RPAP2: variants seen among roughly 807,000 people sequenced by gnomAD.
The protein encoded by RPAP2 is RNA polymerase II associated protein 2, also known as putative RNA polymerase II subunit B1 CTD phosphatase RPAP2.
Under a neutral mutation model 73.1 loss-of-function variants are expected in RPAP2, and 52 were observed. That is an observed-to-expected ratio of 0.71 (90% CI 0.57 to 0.90). The LOEUF is 0.90. Ranked by LOEUF, RPAP2 falls within the 40% of genes least tolerant of loss-of-function variation. RPAP2 has a pLI of 0.00. For missense variants in RPAP2, 598 were observed against 701.8 expected, an observed-to-expected ratio of 0.85 and a Z score of 1.67; for synonymous variants, 225 against 242.1, an observed-to-expected ratio of 0.93 and a Z score of 0.65.
rs189041506 is a variant in RPAP2 at position 92,375,227 on chromosome 1, T to C, written c.1689-5497T>C. On this transcript the variant is annotated intron_variant, in intron 11 of 12. Coordinates refer to ENST00000610020, the MANE Select transcript of RPAP2 (RefSeq NM_024813.3). ...ATGTTTTACATGACTCCAAAAGTAG[T>C]CCACTAGATTAATATTTAGAAATAC... is the stretch of plus-strand genomic sequence containing the variant. 2.0e-5 allele frequency among the ~76,000 whole-genome samples: 3 copies of C among 152,232 alleles called. No homozygotes were observed. The East Asian group carries it at 5.8e-4, about 29-fold the overall frequency.
chr1:92,303,553 T>C (rs923275876), intron 3 of RPAP2, among the ~76,000 whole-genome samples: 1 of 152,230 alleles, frequency 6.6e-6, no homozygotes, highest in Non-Finnish European at 1.5e-5. Flanking sequence ...ACTTTGTTTT[T>C]AAAGATTATG....
chr1:92,359,419 A>G (rs1654632755), intron 11 of RPAP2, among the ~76,000 whole-genome samples: 2 of 152,220 alleles, frequency 1.3e-5, no homozygotes, highest in Admixed American at 1.3e-4. Context: ...TCCCAGGTTC[A>G]AGCAATTCTC....
rs1656121850 is a variant in RPAP2, at chr1:92,394,050, A to C, written c.*7039A>C. 6.6e-6 allele frequency: 1 copy of C among 152,248 alleles called. No individual in the cohort carries two copies. Among genetic ancestry groups the C allele is most frequent in the Non-Finnish European group, 1.5e-5 (1 of 68,052 alleles). 9.4% of individuals were successfully genotyped at this position (152,248 alleles called of 1,614,324 possible). A position where few individuals can be genotyped will look rare whatever the true frequency, so the allele number is the denominator to read the frequency against. On this transcript the variant is annotated 3_prime_UTR_variant, in exon 13 of 13. Coordinates refer to ENST00000610020, the MANE Select transcript of RPAP2 (RefSeq NM_024813.3). ...ACGTATGTTTATTGCTGCACTATTC[A>C]CAATAGCAAAGATTTGAAACCAACC...
Position 92,380,821 on chromosome 1 carries a change from G to T in RPAP2, c.1786G>T (p.Glu596Ter), listed in dbSNP as rs773715191. Reference protein sequence around the residue: ...TLLEELHLKNEDLESLTIIFR... With the variant: ...TLLEELHLKN ...CCTTGAAGAATTACATCTAAAAAATGAAGACCTTGAAAGTCTAACCATCAT... is the reference window on the plus strand; with the variant it reads ...CCTTGAAGAATTACATCTAAAAAATTAAGACCTTGAAAGTCTAACCATCAT... Residue 596 changes from glutamate (E) to a stop codon, truncating the protein, a stop_gained, in exon 12 of 13, where the codon GAA becomes TAA. Transcript: ENST00000610020. LOFTEE classifies it high-confidence loss of function. The T allele has an allele frequency of 2.7e-5, 44 of 1,607,192 alleles. No homozygotes were observed. The highest frequency in any genetic ancestry group is 3.6e-5 in the Non-Finnish European group (42 of 1,177,388).
intron 8 of RPAP2, among the ~76,000 whole-genome samples, chr1:92,326,706 C>T (rs1026236996): frequency 1.3e-5 from 2 of 152,208 alleles, no homozygotes; most frequent in African/African-American, 2.4e-5. Flanking sequence ...GCTGCCTCTG[C>T]TGTGTCATGC....
chr1:92,301,453 T>C, intron 2 of RPAP2, 23 bp from the exon 3 acceptor site: 1 of 1,281,214 alleles, frequency 7.8e-7, no homozygotes, highest in Non-Finnish European at 1.1e-6. Context: ...TTAAGTAGAT[T>C]AAGTTTCTCT....
chr1:92,334,743 T>C (rs964192896), intron 9 of RPAP2, among the ~76,000 whole-genome samples: 12 of 152,116 alleles, frequency 7.9e-5, no homozygotes, highest in Non-Finnish European at 1.2e-4. Flanking sequence ...TCCCAGCACT[T>C]TGGGAGTCTG....
intron 4 of RPAP2, 39 bp downstream of exon 4, chr1:92,304,114 A>AT: frequency 7.0e-7 from 1 of 1,437,090 alleles, no homozygotes; most frequent in Non-Finnish European, 9.7e-7. Flanking sequence ...GGCTTTTATT[A>AT]TTTTCATTTA....
In RPAP2 at chr1:92,398,119, CAGCCTAGGCAATAG is replaced by C. The variant is rs1384853993; in HGVS notation, c.*11111_*11124del. 6.6e-6 allele frequency: 1 copy of C among 152,230 alleles called. No individual in the cohort carries two copies. The highest frequency in any genetic ancestry group is 1.5e-5 in the Non-Finnish European group (1 of 68,076). 9.4% of individuals were successfully genotyped at this position (152,230 alleles called of 1,614,324 possible). A position where few individuals can be genotyped will look rare whatever the true frequency, so the allele number is the denominator to read the frequency against. ...GAGCCATGATTGTGGCACTGCACTCCAGCCTAGGCAATAGAGTGAGACTGTCTCAAAAAATAAAA... is the reference window on the plus strand; with the variant it reads ...GAGCCATGATTGTGGCACTGCACTCCAGTGAGACTGTCTCAAAAAATAAAA... On this transcript the variant is annotated 3_prime_UTR_variant, in exon 13 of 13. Coordinates refer to ENST00000610020, the MANE Select transcript of RPAP2 (RefSeq NM_024813.3).
rs183684580 is a variant in RPAP2 at position 92,334,857 on chromosome 1, G to A, written c.1538+1384G>A. On this transcript the variant is annotated intron_variant, in intron 9 of 12. Coordinates refer to ENST00000610020, the MANE Select transcript of RPAP2 (RefSeq NM_024813.3). ...AAAAAAATTAGCCGGGCGTGGTGGC[G>A]GATGCCTGTAGTCCCAGTTACTCAG... is the stretch of plus-strand genomic sequence containing the variant. Among the ~76,000 whole-genome samples, 14 of 152,090 alleles carry A rather than the reference G, an allele frequency of 9.2e-5. 1 individual carries two copies. The East Asian group carries it at 2.1e-3, about 23-fold the overall frequency.
intron 11 of RPAP2, chr1:92,363,597 A>G (rs1344699068): frequency 6.1e-6 from 1 of 163,588 alleles, no homozygotes; most frequent in African/African-American, 2.4e-5. Context: ...CTTGAACAAC[A>G]TGGGTTTATG....
chr1:92,313,749 T>C (rs1482457949), intron 6 of RPAP2, among the ~76,000 whole-genome samples: 1 of 152,232 alleles, frequency 6.6e-6, no homozygotes, highest in African/African-American at 2.4e-5. Flanking sequence ...CTTCCTCCAA[T>C]ATAAGGCTGA....
At chr1:92,370,485 C>T (rs1655102934) in intron 11 of RPAP2, among the ~76,000 whole-genome samples, 1 of 152,038 alleles carries the variant, frequency 6.6e-6, no homozygotes, top group Non-Finnish European at 1.5e-5. Context: ...CACAAAAGTT[C>T]CATGAAGAAG....
intron 11 of RPAP2, among the ~76,000 whole-genome samples, chr1:92,373,864 A>G (rs539964744): frequency 1.3e-5 from 2 of 150,352 alleles, no homozygotes; most frequent in Admixed American, 6.6e-5. Flanking sequence ...GGTTGCAGTG[A>G]GCAGAGATAG....
At chr1:92,342,915 T>G (rs1653679026) in intron 10 of RPAP2, among the ~76,000 whole-genome samples, 1 of 152,172 alleles carries the variant, frequency 6.6e-6, no homozygotes, top group Non-Finnish European at 1.5e-5. Context: ...AATTTTGAGA[T>G]GCCTATTAGA....
chr1:92,309,580 T>TACATACACATAC (rs56342531), intron 6 of RPAP2, among the ~76,000 whole-genome samples: 6 of 147,842 alleles, frequency 4.1e-5, no homozygotes, highest in Non-Finnish European at 9.0e-5. Context: ...CATATACATA[T>TACATACACATAC]ACATACACAT....
chr1:92,305,638 A>G (rs889557367), intron 5 of RPAP2, among the ~76,000 whole-genome samples: 14 of 151,984 alleles, frequency 9.2e-5, no homozygotes, highest in African/African-American at 3.1e-4. Flanking sequence ...CCATAGAATC[A>G]TATCTAGAAT....
intron 1 of RPAP2, among the ~76,000 whole-genome samples, chr1:92,299,497 T>C (rs1047082900): frequency 1.3e-5 from 2 of 152,094 alleles, no homozygotes; most frequent in Non-Finnish European, 2.9e-5. Context: ...GGACCGGTCC[T>C]CCTTTCCAGA....
At chr1:92,309,080 T>C (rs1324829343) in intron 6 of RPAP2, among the ~76,000 whole-genome samples, 1 of 152,178 alleles carries the variant, frequency 6.6e-6, no homozygotes, top group Non-Finnish European at 1.5e-5. Context: ...CCTTTTACTT[T>C]ATATTTGCAG....
Sources: gnomAD v4.1 joint callset for allele counts (sites outside exome capture counted in the v4.1 genomes callset) on GRCh38, gnomAD v4.1.1 for gene constraint, MANE v1.5 for transcripts, NCBI Gene and HGNC (gene_info 2026-07-23, HGNC 2026-07-21) for gene names.